CCDC66: variants seen among roughly 807,000 people sequenced by gnomAD.
The protein encoded by CCDC66 is coiled-coil domain-containing protein 66.
In CCDC66, 133 loss-of-function variants were observed where a neutral mutation model predicts 128.3. That is an observed-to-expected ratio of 1.04 (90% CI 0.90 to 1.20). The LOEUF is 1.20. CCDC66 is among the 50% of genes most tolerant of loss of function. The pLI, the probability that CCDC66 is intolerant of heterozygous loss-of-function variation, is 0.00. For missense variants in CCDC66, 1,126 were observed against 1,075.5 expected (o/e 1.05, Z -0.66); for synonymous variants, 387 against 357.0 (o/e 1.08, Z -0.95).
In CCDC66 at chr3:56,617,297, T is replaced by G; in HGVS notation, c.2029T>G (p.Cys677Gly). The change falls in exon 14 of 18, where the codon TGT becomes GGT. Residue 677 changes from cysteine (C) to glycine (G), a missense_variant. Coordinates refer to ENST00000394672, the MANE Select transcript of CCDC66 (RefSeq NM_001141947.3). The stretch of plus-strand genomic sequence containing the variant: ...CAGCTTAGAAAAAGAAAACAATCGG[T>G]GTAATGACCAGTGTAATCAGTTCAC... ...GASLEKENNR[C>G]NDQCNQFTRI... The G allele has an allele frequency of 6.2e-7, 1 of 1,613,110 alleles. No individual in the cohort carries two copies. The highest frequency in any genetic ancestry group is 8.5e-7 in the Non-Finnish European group (1 of 1,179,812).
chr3:56,621,000 A>AAGTTAGTTAGTTAGTTTAGTT (rs2076442797), intron 17 of CCDC66: 1 of 150,396 alleles, frequency 6.6e-6, no homozygotes, highest in Non-Finnish European at 1.5e-5. Flanking sequence ...AAAATACAAA[A>AAGTTAGTTAGTTAGTTTAGTT]AGTTAGTTAG....
chr3:56,566,460 T>C (rs1412221474), intron 4 of CCDC66, 134 bp from the exon 5 acceptor site: 2 of 554,320 alleles, frequency 3.6e-6, no homozygotes, highest in Non-Finnish European at 6.1e-6. Context: ...GGAAACTTAA[T>C]GGCTACCTCA....
chr3:56,564,003 C>T lies in CCDC66; in HGVS notation c.422C>T (p.Thr141Ile). ...CAGAAGCCTCACAAAAAACACATCA[C>T]AGCTGAAAACATGAAGAGCAGTTTG... ...GKQKPHKKHI[T>I]AENMKSSLVC... The change falls in exon 4 of 18, where the codon ACA becomes ATA. Residue 141 changes from threonine to isoleucine, a missense_variant. Coordinates refer to ENST00000394672, the MANE Select transcript of CCDC66 (RefSeq NM_001141947.3). 6.2e-7 allele frequency: 1 copy of T among 1,613,998 alleles called. No homozygotes were observed. Among genetic ancestry groups the T allele is most frequent in the Non-Finnish European group, 8.5e-7 (1 of 1,179,952 alleles).
chr3:56,562,186 G>A (rs764309584), intron 3 of CCDC66, among the ~76,000 whole-genome samples: 49 of 151,834 alleles, frequency 3.2e-4, no homozygotes, highest in Admixed American at 1.2e-3. Flanking sequence ...GACTACAGGC[G>A]CGTGCCCACA....
rs1559766183 is a variant in CCDC66, at chr3:56,615,150, A to G, written c.1589A>G (p.Asn530Ser). The change falls in exon 12 of 18, where the codon AAT becomes AGT. Residue 530 changes from asparagine to serine, a missense_variant. Transcript: ENST00000394672. ...QKEEIMTLKT[N>S]ELFQTMQRAQ... ...CAGGAAATCATGACTCTCAAGACAAATGAGCTATTCCAGACAATGCAGCGA... is the reference window on the plus strand; with the variant it reads ...CAGGAAATCATGACTCTCAAGACAAGTGAGCTATTCCAGACAATGCAGCGA... 1.2e-6 allele frequency: 2 copies of G among 1,613,994 alleles called. No individual in the cohort carries two copies. Among genetic ancestry groups the G allele is most frequent in the Non-Finnish European group, 1.7e-6 (2 of 1,179,962 alleles).
At position 56,584,049 on chromosome 3, in the gene CCDC66, C is replaced by T. The variant is rs867440143; in HGVS notation, c.937-8921C>T. On this transcript the variant is annotated intron_variant, in intron 7 of 17. Transcript: ENST00000394672. The stretch of plus-strand genomic sequence containing the variant: ...CCCACCTCCCTCCCGGACGGGGCGG[C>T]TGGCCGGGCGGGGGCTGCCCCCCAC... 1.3e-3 allele frequency among the ~76,000 whole-genome samples: 161 copies of T among 121,200 alleles called. 3 individuals are homozygous for T. The highest frequency in any genetic ancestry group is 4.5e-3 in the African/African-American group (150 of 33,660). 79.5% of individuals were successfully genotyped at this position (121,200 alleles called of 152,430 possible). A position where few individuals can be genotyped will look rare whatever the true frequency, so the allele number is the denominator to read the frequency against.
chr3:56,582,195 G>T (rs984585264), intron 7 of CCDC66, among the ~76,000 whole-genome samples: 1 of 151,938 alleles, frequency 6.6e-6, no homozygotes, highest in Non-Finnish European at 1.5e-5. Context: ...GGCTCCGTGG[G>T]CGTGGGACCC....
intron 10 of CCDC66, among the ~76,000 whole-genome samples, chr3:56,600,086 G>A (rs1190656921): frequency 6.6e-6 from 1 of 151,238 alleles, no homozygotes; most frequent in South Asian, 2.1e-4. Flanking sequence ...TATCATTGAT[G>A]GGCATTTGGG....
chr3:56,559,060 C>T, intron 2 of CCDC66, 150 bp downstream of exon 2: 2 of 629,450 alleles, frequency 3.2e-6, no homozygotes, highest in South Asian at 4.2e-5. Context: ...AGATTTCCTT[C>T]TAGCCAAATA....
chr3:56,596,505 C>T (rs901376319), intron 10 of CCDC66, among the ~76,000 whole-genome samples: 7 of 151,976 alleles, frequency 4.6e-5, no homozygotes, highest in Non-Finnish European at 8.8e-5. Context: ...ACTGAATATG[C>T]AAGCTATTGA....
intron 7 of CCDC66, among the ~76,000 whole-genome samples, chr3:56,584,376 G>A (rs1399891371): frequency 6.6e-5 from 10 of 150,506 alleles, no homozygotes; most frequent in African/African-American, 1.7e-4. Context: ...CTTCTCAGAC[G>A]GGGCGGCTGC....
chr3:56,581,585 G>A (rs1330198976), intron 7 of CCDC66, among the ~76,000 whole-genome samples: 1 of 151,780 alleles, frequency 6.6e-6, no homozygotes, highest in Non-Finnish European at 1.5e-5. Flanking sequence ...ACGTACAGAT[G>A]GGGTTTTGGT....
chr3:56,619,493 TTCAA>T lies in CCDC66; in HGVS notation c.2602_2605del (p.Ser868ProfsTer34), dbSNP rs760097735. On this transcript the variant is annotated frameshift_variant, in exon 16 of 18. Transcript: ENST00000394672. LOFTEE classifies it high-confidence loss of function. ...ATCCCGATGCACCATTGTCTGGGCC[TTCAA>T]CCCAGGACCCTCAGTACCAAAATTC... 3 of 1,613,558 alleles carry T rather than the reference TTCAA, an allele frequency of 1.9e-6. No individual in the cohort carries two copies. Among genetic ancestry groups the T allele is most frequent in the Non-Finnish European group, 2.5e-6 (3 of 1,179,864 alleles).
chr3:56,598,351 ATTTTATTTATTTTCTATT>A (rs1303148525), intron 10 of CCDC66, among the ~76,000 whole-genome samples: 2 of 151,042 alleles, frequency 1.3e-5, no homozygotes, highest in African/African-American at 4.9e-5. Context: ...TTTTTATTTT[ATTTTATTTATTTTCTATT>A]TTATTTATTT....
chr3:56,582,372 G>C (rs184182516), intron 7 of CCDC66, among the ~76,000 whole-genome samples: 9 of 151,796 alleles, frequency 5.9e-5, no homozygotes, highest in Non-Finnish European at 1.3e-4. Flanking sequence ...AGGGTGAGGC[G>C]ATGCCCCACC....
At chr3:56,592,763 T>G (rs1331354319) in intron 7 of CCDC66, among the ~76,000 whole-genome samples, 4 of 152,204 alleles carry the variant, frequency 2.6e-5, no homozygotes, top group Non-Finnish European at 5.9e-5. Context: ...TATATATCTC[T>G]GATCTAGTAT....
intron 7 of CCDC66, among the ~76,000 whole-genome samples, chr3:56,588,382 A>G (rs2070211103): frequency 6.6e-6 from 1 of 152,086 alleles, no homozygotes; most frequent in Admixed American, 6.5e-5. Flanking sequence ...CATACACCAG[A>G]ATCTCACAGA....
intron 11 of CCDC66, among the ~76,000 whole-genome samples, chr3:56,614,437 C>A (rs934635626): frequency 1.3e-5 from 2 of 152,064 alleles, no homozygotes; most frequent in Non-Finnish European, 2.9e-5. Context: ...CATACATTTG[C>A]AGAATAATTG....
intron 3 of CCDC66, chr3:56,560,993 A>G (rs906163626): frequency 2.2e-6 from 1 of 452,194 alleles, no homozygotes; most frequent in African/African-American, 2.0e-5. Flanking sequence ...GGAGTACCCG[A>G]AATATCACTC....
Sources: allele counts gnomAD v4.1 joint callset (sites outside exome capture counted in the v4.1 genomes callset), GRCh38; gene constraint gnomAD v4.1.1; transcripts MANE v1.5; gene names NCBI Gene and HGNC (gene_info 2026-07-23, HGNC 2026-07-21).